CFAP300: variants seen among roughly 807,000 people sequenced by gnomAD.
CFAP300 encodes cilia- and flagella-associated protein 300.
In CFAP300, 32 loss-of-function variants were observed where a neutral mutation model predicts 33.0. The ratio of observed to expected loss-of-function variants is 0.97; its 90% confidence interval spans 0.73 to 1.30. CFAP300 has a LOEUF of 1.30. Ranked by LOEUF, CFAP300 falls within the 50% of genes most tolerant of loss-of-function variation. The pLI, the probability that CFAP300 is intolerant of heterozygous loss-of-function variation, is 0.00. For synonymous variants in CFAP300, 102 were observed against 106.8 expected (o/e 0.95, Z 0.28); for missense variants, 356 against 318.1 (o/e 1.12, Z -0.90).
At chr11:102,061,521 CTT>C (rs1193692257) in intron 3 of CFAP300, among the ~76,000 whole-genome samples, 4 of 152,188 alleles carry the variant, frequency 2.6e-5, no homozygotes, top group African/African-American at 9.7e-5. Flanking sequence ...TTTAGATACA[CTT>C]TGTCTTTTTT....
intron 4 of CFAP300, among the ~76,000 whole-genome samples, chr11:102,070,457 C>T (rs1272520816): frequency 6.6e-6 from 1 of 152,156 alleles, no homozygotes; most frequent in Non-Finnish European, 1.5e-5. Flanking sequence ...TTTCCTTTTA[C>T]CCTTGTATGG....
chr11:102,080,126 A>C (rs1942452415), intron 5 of CFAP300, among the ~76,000 whole-genome samples: 2 of 152,294 alleles, frequency 1.3e-5, no homozygotes, highest in East Asian at 3.9e-4. Flanking sequence ...TACAAAAATA[A>C]AAAATAATAA....
In CFAP300 at chr11:102,083,211, A is replaced by G; in HGVS notation, c.*12A>G. The G allele has an allele frequency of 2.7e-6, 4 of 1,460,336 alleles. No homozygotes were observed. The highest frequency in any genetic ancestry group is 3.7e-6 in the Non-Finnish European group (4 of 1,092,942). The allele number at this position is 1,460,336 out of a possible 1,614,324, so 90.5% of individuals were successfully genotyped here. A position where few individuals can be genotyped will look rare whatever the true frequency, so the allele number is the denominator to read the frequency against. On this transcript the variant is annotated 3_prime_UTR_variant, in exon 7 of 7. Transcript: ENST00000434758. The stretch of plus-strand genomic sequence containing the variant: ...GAGACATGTCTTAATGTTCTTTCAG[A>G]TTATGTACCTCTACTATTTTGTATT...
In CFAP300 at chr11:102,077,587, T is replaced by G. The variant is rs914101487; in HGVS notation, c.608+1542T>G. 8.5e-5 allele frequency among the ~76,000 whole-genome samples: 13 copies of G among 152,382 alleles called. No individual in the cohort carries two copies. In the East Asian group the frequency reaches 2.3e-3, roughly 27 times the overall value. ...TTTTAAATTTTAATCATTTATTTTT[T>G]GAGACGGAGTCTCACCGTGTCACCC... is the stretch of plus-strand genomic sequence containing the variant. On this transcript the variant is annotated intron_variant, in intron 5 of 6. Transcript: ENST00000434758.
chr11:102,078,554 T>TA (rs1283958671), intron 5 of CFAP300, among the ~76,000 whole-genome samples: 1 of 152,154 alleles, frequency 6.6e-6, no homozygotes, highest in African/African-American at 2.4e-5. Flanking sequence ...GCTAGGCCTA[T>TA]AAAAAATTAG....
intron 6 of CFAP300, 71 bp from the exon 7 acceptor site, chr11:102,083,000 A>AAAT (rs199765887): frequency 0.021 from 18,855 of 882,196 alleles, 251 homozygotes; most frequent in Non-Finnish European, 0.024. Context: ...CTGTCTCAAA[A>AAAT]AATAATAATA....
At chr11:102,066,211 G>A (rs532657874) in intron 3 of CFAP300, among the ~76,000 whole-genome samples, 2 of 152,192 alleles carry the variant, frequency 1.3e-5, no homozygotes, top group East Asian at 3.9e-4. Context: ...CTGACCTCAA[G>A]TGATCCACCC....
At chr11:102,082,686 A>T (rs1942491521) in intron 6 of CFAP300, among the ~76,000 whole-genome samples, 2 of 152,152 alleles carry the variant, frequency 1.3e-5, no homozygotes, top group South Asian at 4.1e-4. Flanking sequence ...TTATCACTTA[A>T]ATGTAGTTGT....
chr11:102,048,231 T>G (rs1307908279), intron 2 of CFAP300, among the ~76,000 whole-genome samples: 1 of 152,158 alleles, frequency 6.6e-6, no homozygotes, highest in East Asian at 1.9e-4. Flanking sequence ...TTTTATTTTA[T>G]TTTATTTACT....
rs1267050789 is a variant in CFAP300, at chr11:102,083,118, A to G, written c.723A>G (p.Thr241=). The G allele has an allele frequency of 2.6e-6, 4 of 1,555,272 alleles. No homozygotes were observed. The highest frequency in any genetic ancestry group is 3.5e-6 in the Non-Finnish European group (4 of 1,148,530). The change falls in exon 7 of 7, where the codon ACA becomes ACG. Residue 241 remains threonine (T), a synonymous_variant. Transcript: ENST00000434758. ...CYPSAKNHEQ[T]FSYFIVDPIR... is the part of the protein sequence containing the mutation. ...CTTCAGCAAAGAATCATGAACAGAC[A>G]TTTTCTTACTTTATTGTGGATCCTA...
chr11:102,070,600 G>A (rs1942299668), intron 4 of CFAP300, among the ~76,000 whole-genome samples: 1 of 151,928 alleles, frequency 6.6e-6, no homozygotes, highest in Admixed American at 6.6e-5. Flanking sequence ...ACTAACTTAG[G>A]TTTGTTCTTG....
intron 2 of CFAP300, among the ~76,000 whole-genome samples, chr11:102,055,359 C>G (rs1480654390): frequency 1.3e-5 from 1 of 74,428 alleles, no homozygotes; most frequent in Non-Finnish European, 2.5e-5. Context: ...ACATGCGTTA[C>G]TCTTTTTTTT....
intron 2 of CFAP300, among the ~76,000 whole-genome samples, chr11:102,053,166 T>C (rs969173775): frequency 2.0e-5 from 3 of 149,748 alleles, no homozygotes; most frequent in Non-Finnish European, 4.4e-5. Flanking sequence ...GAGGTGGAGG[T>C]TGCAGTGAGC....
At chr11:102,066,870 G>C (rs1942235499) in intron 4 of CFAP300, among the ~76,000 whole-genome samples, 1 of 152,086 alleles carries the variant, frequency 6.6e-6, no homozygotes. Context: ...TCTCAAATAG[G>C]TGCTACTAAC....
intron 1 of CFAP300, 87 bp from the exon 2 acceptor site, chr11:102,047,728 G>C: frequency 6.6e-7 from 1 of 1,514,446 alleles, no homozygotes; most frequent in South Asian, 1.2e-5. Flanking sequence ...ACCCGGGAAG[G>C]GCGGATGCTG....
chr11:102,080,075 G>A (rs1018172684), intron 5 of CFAP300, among the ~76,000 whole-genome samples: 4 of 151,970 alleles, frequency 2.6e-5, no homozygotes, highest in African/African-American at 9.7e-5. Flanking sequence ...TGAGGCCAGG[G>A]TTTCAAGACC....
At chr11:102,068,613 C>G (rs555237657) in intron 4 of CFAP300, among the ~76,000 whole-genome samples, 25 of 152,134 alleles carry the variant, frequency 1.6e-4, no homozygotes, top group Admixed American at 9.8e-4. Flanking sequence ...ATGGCAAAAC[C>G]CTGTCTCTAC....
In CFAP300 at chr11:102,049,199, C is replaced by G. The variant is rs543869098; in HGVS notation, c.192+1303C>G. ...GGCAGGGCCATCATTCCTCTGAAAC[C>G]TGTAGGGGAGAATCCATCCTTGCCT... On this transcript the variant is annotated intron_variant, in intron 2 of 6. Coordinates refer to ENST00000434758, the MANE Select transcript of CFAP300 (RefSeq NM_032930.3). Among the ~76,000 whole-genome samples, 3 of 152,290 alleles carry G rather than the reference C, an allele frequency of 2.0e-5. No individual in the cohort carries two copies. The East Asian group carries it at 5.8e-4, about 29-fold the overall frequency.
At chr11:102,054,690 T>A (rs950355127) in intron 2 of CFAP300, among the ~76,000 whole-genome samples, 1 of 131,746 alleles carries the variant, frequency 7.6e-6, no homozygotes, top group Non-Finnish European at 1.5e-5. Flanking sequence ...GATCGAACCA[T>A]TGCACTCCAG....
Sources: gnomAD v4.1 joint callset for allele counts (sites outside exome capture counted in the v4.1 genomes callset) on GRCh38, gnomAD v4.1.1 for gene constraint, MANE v1.5 for transcripts, NCBI Gene and HGNC (gene_info 2026-07-23, HGNC 2026-07-21) for gene names.